CSMD1: variants seen among roughly 807,000 people sequenced by gnomAD.
The protein encoded by CSMD1 is CUB and Sushi multiple domains 1, also known as CUB and sushi domain-containing protein 1.
A neutral mutation model predicts 417.5 loss-of-function variants in CSMD1; 213 were observed. That is an observed-to-expected ratio of 0.51 (90% CI 0.46 to 0.57). The LOEUF (loss-of-function observed/expected upper bound fraction) is 0.57. Among genes scored for constraint, CSMD1 ranks in the 20% least tolerant of loss-of-function variants. CSMD1 has a pLI of 0.00. For synonymous variants in CSMD1, 2,862 were observed against 1,736.8 expected (o/e 1.65, Z -16.11); for missense variants, 6,923 against 4,529.7 (o/e 1.53, Z -15.17).
chr8:4,710,405 TA>T (rs1332454458), intron 1 of CSMD1, among the ~76,000 whole-genome samples: 1 of 147,996 alleles, frequency 6.8e-6, no homozygotes, highest in Non-Finnish European at 1.5e-5. Flanking sequence ...ATTAAATATA[TA>T]AATTTATAAA....
At chr8:3,548,117 C>A (rs974022935) in intron 10 of CSMD1, among the ~76,000 whole-genome samples, 1 of 152,052 alleles carries the variant, frequency 6.6e-6, no homozygotes, top group South Asian at 2.1e-4. Flanking sequence ...CAGAAGAGCA[C>A]TGATAATTAT....
Position 4,106,902 on chromosome 8 carries a change from A to G in CSMD1, c.416-74803T>C, listed in dbSNP as rs112208047. On this transcript the variant is annotated intron_variant, in intron 3 of 69. Coordinates refer to ENST00000635120, the MANE Select transcript of CSMD1 (RefSeq NM_033225.6). The stretch of plus-strand genomic sequence containing the variant: ...AAGTCATCGTTAATATTTAAAAACA[A>G]ATCAATAGGCTTATTTATAAACCAA... Among the ~76,000 whole-genome samples the G allele has an allele frequency of 9.9e-3, 1,509 of 152,286 alleles. 16 individuals are homozygous for G. Among genetic ancestry groups the G allele is most frequent in the African/African-American group, 0.035 (1,435 of 41,540 alleles).
intron 5 of CSMD1, among the ~76,000 whole-genome samples, chr8:3,963,701 T>C (rs1230827364): frequency 6.6e-6 from 1 of 152,200 alleles, no homozygotes; most frequent in Non-Finnish European, 1.5e-5. Context: ...ATAGATTTCA[T>C]CGTAGACAAA....
intron 1 of CSMD1, among the ~76,000 whole-genome samples, chr8:4,712,959 T>C (rs1808405796): frequency 6.6e-6 from 1 of 152,214 alleles, no homozygotes; most frequent in Non-Finnish European, 1.5e-5. Context: ...GAAAATTTTC[T>C]ATAAAGGCAA....
chr8:3,919,118 A>C (rs73174430), intron 5 of CSMD1, among the ~76,000 whole-genome samples: 2 of 149,906 alleles, frequency 1.3e-5, no homozygotes, highest in African/African-American at 2.5e-5. Flanking sequence ...TGCTGTGCAG[A>C]AGATTCTGTG....
chr8:3,429,768 T>C (rs112059589), intron 12 of CSMD1, among the ~76,000 whole-genome samples: 1 of 152,196 alleles, frequency 6.6e-6, no homozygotes, highest in African/African-American at 2.4e-5. Context: ...CTATGGTTGT[T>C]GTTTTCTATG....
chr8:4,936,683 C>T (rs531963114), intron 1 of CSMD1, among the ~76,000 whole-genome samples: 2 of 152,220 alleles, frequency 1.3e-5, no homozygotes, highest in East Asian at 3.9e-4. Flanking sequence ...TTGTCTATGA[C>T]TAGTAAATAT....
intron 4 of CSMD1, among the ~76,000 whole-genome samples, chr8:4,004,116 A>G (rs754230683): frequency 2.0e-5 from 3 of 152,140 alleles, no homozygotes; most frequent in Non-Finnish European, 2.9e-5. Flanking sequence ...AGCTGTATAC[A>G]TATGTATATT....
intron 2 of CSMD1, among the ~76,000 whole-genome samples, chr8:4,514,213 G>C (rs1259326875): frequency 6.6e-6 from 1 of 152,090 alleles, no homozygotes; most frequent in Non-Finnish European, 1.5e-5. Flanking sequence ...GGCAGAGTAG[G>C]GGATGGGGAG....
At chr8:3,938,208 A>C (rs749167153) in intron 5 of CSMD1, among the ~76,000 whole-genome samples, 8 of 152,164 alleles carry the variant, frequency 5.3e-5, no homozygotes, top group Non-Finnish European at 1.0e-4. Flanking sequence ...TTTGGGTAAC[A>C]TCCAGTCACT....
chr8:3,579,320 A>T (rs995753973), intron 9 of CSMD1, among the ~76,000 whole-genome samples: 2 of 144,680 alleles, frequency 1.4e-5, no homozygotes, highest in Non-Finnish European at 3.1e-5. Flanking sequence ...GGTTTGTTTC[A>T]TGCAATTTAT....
chr8:3,892,914 G>A (rs1002209578), intron 5 of CSMD1, among the ~76,000 whole-genome samples: 1 of 151,630 alleles, frequency 6.6e-6, no homozygotes, highest in African/African-American at 2.4e-5. Flanking sequence ...CAGAGCAAGA[G>A]GCCTCTCTGT....
intron 10 of CSMD1, among the ~76,000 whole-genome samples, chr8:3,549,775 T>A (rs995418271): frequency 1.3e-5 from 2 of 152,174 alleles, no homozygotes; most frequent in Non-Finnish European, 2.9e-5. Flanking sequence ...CTTTGAGTTT[T>A]CAGCCTCCAC....
intron 7 of CSMD1, among the ~76,000 whole-genome samples, chr8:3,619,940 A>G (rs1174799787): frequency 1.3e-5 from 2 of 152,150 alleles, no homozygotes; most frequent in Non-Finnish European, 2.9e-5. Flanking sequence ...CATTTCTACT[A>G]AAAATATAAA....
chr8:3,828,258 T>A (rs1207611706), intron 5 of CSMD1, among the ~76,000 whole-genome samples: 1 of 152,168 alleles, frequency 6.6e-6, no homozygotes, highest in East Asian at 1.9e-4. Flanking sequence ...CAACGTTATG[T>A]AAGATCTGAT....
At chr8:3,634,956 T>C (rs1435010697) in intron 7 of CSMD1, among the ~76,000 whole-genome samples, 1 of 152,072 alleles carries the variant, frequency 6.6e-6, no homozygotes, top group Non-Finnish European at 1.5e-5. Flanking sequence ...CTGTACTGAA[T>C]AATGCAGGCA....
chr8:3,708,610 G>T, intron 6 of CSMD1, 119 bp from the exon 7 acceptor site: 1 of 756,748 alleles, frequency 1.3e-6, no homozygotes, highest in South Asian at 1.6e-5. Flanking sequence ...AATGGGAAAT[G>T]TTCTAAGAGG....
chr8:4,720,710 C>G (rs150678836), intron 1 of CSMD1, among the ~76,000 whole-genome samples: 2 of 152,274 alleles, frequency 1.3e-5, no homozygotes, highest in African/African-American at 2.4e-5. Flanking sequence ...GTGTGAGCCA[C>G]CACGACTGGC....
At chr8:3,283,979 G>A (rs964241808) in intron 26 of CSMD1, among the ~76,000 whole-genome samples, 165 bp downstream of exon 26, 1 of 152,224 alleles carries the variant, frequency 6.6e-6, no homozygotes, top group Admixed American at 6.5e-5. Context: ...CCCAGCAATG[G>A]GGGAAGAGAA....
Sources: gnomAD v4.1 joint callset for allele counts (sites outside exome capture counted in the v4.1 genomes callset) on GRCh38, gnomAD v4.1.1 for gene constraint, MANE v1.5 for transcripts, NCBI Gene and HGNC (gene_info 2026-07-23, HGNC 2026-07-21) for gene names.